The following EIF2AK3 variants were observed in gnomAD, a reference collection of about 807,000 sequenced individuals.
EIF2AK3 encodes eukaryotic translation initiation factor 2-alpha kinase 3.
Under a neutral mutation model 113.5 loss-of-function variants are expected in EIF2AK3, and 50 were observed. That is an observed-to-expected ratio of 0.44 (90% confidence interval 0.35 to 0.56). The LOEUF is 0.56. EIF2AK3 is among the 20% of genes least tolerant of loss of function. The pLI, the probability that EIF2AK3 is intolerant of heterozygous loss-of-function variation, is 0.00. For synonymous variants in EIF2AK3, 448 were observed against 495.4 expected (o/e 0.90, Z 1.27); for missense variants, 1,185 against 1,378.0 (o/e 0.86, Z 2.22).
At chr2:88,594,830 TA>T (rs58582485) in intron 3 of EIF2AK3, among the ~76,000 whole-genome samples, 54,099 of 114,940 alleles carry the variant, frequency 0.47, 11,754 homozygotes, top group African/African-American at 0.62. Flanking sequence ...TGTCAAAATG[TA>T]AAAAAAAAAA....
intron 11 of EIF2AK3, among the ~76,000 whole-genome samples, chr2:88,579,299 A>G (rs981535213): frequency 6.6e-6 from 1 of 152,254 alleles, no homozygotes; most frequent in Non-Finnish European, 1.5e-5. Flanking sequence ...TGAGTTAATA[A>G]TAAAAAACAA....
In EIF2AK3 at chr2:88,585,991, GA is replaced by G; in HGVS notation, c.1499del (p.Phe500SerfsTer26). The G allele has an allele frequency of 6.2e-7, 1 of 1,614,130 alleles. No individual in the cohort carries two copies. Among genetic ancestry groups the G allele is most frequent in the Non-Finnish European group, 8.5e-7 (1 of 1,180,002 alleles). ...NKRSTQITVR[F>X]LDNPHYNKNI... ...TCTTGTTGTAATGTGGGTTGTCGAG[GA>G]ATCTGACTGTAATCTGTGTGCTTCG... On this transcript the variant is annotated frameshift_variant, in exon 9 of 17. Transcript: ENST00000303236. LOFTEE classifies it high-confidence loss of function.
At chr2:88,577,363 C>T (rs549705712) in intron 11 of EIF2AK3, among the ~76,000 whole-genome samples, 1 of 152,086 alleles carries the variant, frequency 6.6e-6, no homozygotes, top group Admixed American at 6.5e-5. Flanking sequence ...TTGTTTTTCT[C>T]TTCTGGAAAT....
intron 3 of EIF2AK3, 77 bp downstream of exon 3, chr2:88,595,390 TAA>T (rs1674993238): frequency 1.5e-5 from 20 of 1,343,766 alleles, no homozygotes; most frequent in Non-Finnish European, 2.0e-5. Flanking sequence ...CAACTAATAA[TAA>T]GTGTAGTTTA....
At chr2:88,583,669 T>C (rs182049864) in intron 9 of EIF2AK3, 127 bp from the exon 10 acceptor site, 3 of 737,464 alleles carry the variant, frequency 4.1e-6, no homozygotes, top group Non-Finnish European at 6.9e-6. Flanking sequence ...AAAAGCATTA[T>C]GAAAACAAAG....
At chr2:88,610,363 T>C (rs1162686310) in intron 2 of EIF2AK3, among the ~76,000 whole-genome samples, 1 of 152,218 alleles carries the variant, frequency 6.6e-6, no homozygotes, top group Non-Finnish European at 1.5e-5. Context: ...TGGATGTTAG[T>C]GTTCAGAGTA....
Position 88,558,999 on chromosome 2 carries a change from C to G in EIF2AK3, c.3088-20G>C, listed in dbSNP as rs1673866549. 1.3e-6 allele frequency: 2 copies of G among 1,506,152 alleles called. No homozygotes were observed. The highest frequency in any genetic ancestry group is 1.8e-6 in the Non-Finnish European group (2 of 1,087,058). The allele number at this position is 1,506,152 out of a possible 1,614,324, so 93.3% of individuals were successfully genotyped here. A position where few individuals can be genotyped will look rare whatever the true frequency, so the allele number is the denominator to read the frequency against. Reference sequence around the variant, plus strand: ...TAAGGTCTAAAAAGAAAAAAAGTATCACTTATTAAGTTTATTTTGACATAC... The same window carrying G: ...TAAGGTCTAAAAAGAAAAAAAGTATGACTTATTAAGTTTATTTTGACATAC... On this transcript the variant is annotated intron_variant, in intron 15 of 16. Transcript: ENST00000303236.
In EIF2AK3 at chr2:88,619,955, C is replaced by CAA. The variant is rs35076573; in HGVS notation, c.309-6104_309-6103dup. 2.1e-3 allele frequency among the ~76,000 whole-genome samples: 250 copies of CAA among 119,640 alleles called. 2 individuals are homozygous for CAA. Among genetic ancestry groups the CAA allele is most frequent in the South Asian group, 0.013 (47 of 3,568 alleles). The allele number at this position is 119,640 out of a possible 152,430, so 78.5% of individuals were successfully genotyped here. A position where few individuals can be genotyped will look rare whatever the true frequency, so the allele number is the denominator to read the frequency against. On this transcript the variant is annotated intron_variant, in intron 1 of 16. Coordinates refer to ENST00000303236, the MANE Select transcript of EIF2AK3 (RefSeq NM_004836.7). Reference sequence around the variant, plus strand: ...TGCACGACAGAGCGAGACTCCGTCTCAAAAAAAAAAAAAAAAAAAATCTTT... The same window carrying CAA: ...TGCACGACAGAGCGAGACTCCGTCTCAAAAAAAAAAAAAAAAAAAAAATCTTT...
chr2:88,590,153 T>G (rs1054266027), intron 6 of EIF2AK3, among the ~76,000 whole-genome samples: 1 of 152,142 alleles, frequency 6.6e-6, no homozygotes, highest in African/African-American at 2.4e-5. Context: ...GAGAATCGCT[T>G]GAACCCAGGA....
rs1674872422 is a variant in EIF2AK3 at position 88,590,889 on chromosome 2, T to C, written c.931A>G (p.Lys311Glu). The part of the protein sequence containing the change: ...QEAAIMDIVI[K>E]VSVADWKVMA... ...ACTTTCCAGTCAGCAACCGAAACCT[T>C]TATCACTATGTCCATTATGGCAGCT... The change falls in exon 5 of 17, where the codon AAG becomes GAG. Residue 311 changes from lysine (K) to glutamate (E), a missense_variant. Physicochemically the swap from Lys to Glu is moderately conservative, Grantham distance 56. Around this residue, in one of 3 missense-constraint regions of EIF2AK3, gnomAD observed 877 missense variants for 1,024.2 expected, o/e 0.86. Coordinates refer to ENST00000303236, the MANE Select transcript of EIF2AK3 (RefSeq NM_004836.7). The C allele has an allele frequency of 6.2e-7, 1 of 1,614,002 alleles. No homozygotes were observed. The highest frequency in any genetic ancestry group is 1.3e-5 in the African/African-American group (1 of 74,922).
rs1675873706 is a variant in EIF2AK3 at position 88,626,841 on chromosome 2, GC to G, written c.308+125del. 1.8e-5 allele frequency: 23 copies of G among 1,299,950 alleles called. No homozygotes were observed. The South Asian group carries it at 2.9e-4, about 17-fold the overall frequency. The allele number at this position is 1,299,950 out of a possible 1,614,324, so 80.5% of individuals were successfully genotyped here. A position where few individuals can be genotyped will look rare whatever the true frequency, so the allele number is the denominator to read the frequency against. On this transcript the variant is annotated intron_variant, in intron 1 of 16. Transcript: ENST00000303236. ...GTGGCCCCGCGCTCGTCCCCAGGTCGCCAGCTGCCCTCCGCAGCCGAGGGAA... is the reference window on the plus strand; with the variant it reads ...GTGGCCCCGCGCTCGTCCCCAGGTCGCAGCTGCCCTCCGCAGCCGAGGGAA...
Position 88,579,636 on chromosome 2 carries a change from G to A in EIF2AK3, c.1768C>T (p.Leu590=), listed in dbSNP as rs780109289. 6.2e-7 allele frequency: 1 copy of A among 1,613,168 alleles called. No homozygotes were observed. The highest frequency in any genetic ancestry group is 8.5e-7 in the Non-Finnish European group (1 of 1,179,476). ...CATTGAATTGGCTCAAAATCAGTTA[G>A]ATATCTTTAAAAAGAGATAAAATTT... ...IKNSGYISRY[L]TDFEPIQCLG... is the part of the protein sequence containing the mutation. The change falls in exon 11 of 17, where the codon CTA becomes TTA. Residue 590 remains leucine, a synonymous_variant. Coordinates refer to ENST00000303236, the MANE Select transcript of EIF2AK3 (RefSeq NM_004836.7).
chr2:88,605,755 C>G (rs748891022), intron 2 of EIF2AK3, among the ~76,000 whole-genome samples: 2 of 151,428 alleles, frequency 1.3e-5, no homozygotes, highest in Non-Finnish European at 2.9e-5. Context: ...TCAGAATTGA[C>G]TATTTGTGAC....
At chr2:88,577,462 T>A (rs1427381394) in intron 11 of EIF2AK3, among the ~76,000 whole-genome samples, 1 of 140,224 alleles carries the variant, frequency 7.1e-6, no homozygotes, top group Non-Finnish European at 1.6e-5. Context: ...ACAAGCTATC[T>A]TTTTTTTTTT....
At chr2:88,597,029 C>T (rs932395368) in intron 2 of EIF2AK3, among the ~76,000 whole-genome samples, 2 of 152,118 alleles carry the variant, frequency 1.3e-5, no homozygotes, top group Non-Finnish European at 2.9e-5. Context: ...AACAGGAATA[C>T]GAGAGAAGTA....
chr2:88,593,399 A>G lies in EIF2AK3; in HGVS notation c.640T>C (p.Tyr214His), dbSNP rs780745612. 1.9e-6 allele frequency: 3 copies of G among 1,614,022 alleles called. No individual in the cohort carries two copies. The highest frequency in any genetic ancestry group is 2.5e-6 in the Non-Finnish European group (3 of 1,179,940). The change falls in exon 4 of 17, where the codon TAT (tyrosine) becomes CAT (histidine). Residue 214 changes from tyrosine to histidine, a missense_variant. By Grantham distance (83) the Tyr-to-His change is moderately conservative. This residue lies in a region of EIF2AK3 where 119 missense variants were observed against 178.7 expected (regional missense o/e 0.67). Transcript: ENST00000303236. ...GLSAYSGKVR[Y>H]ICSALGCRQW... is the part of the protein sequence containing the mutation. ...CGACAACCCAGAGCTGAACAGATAT[A>G]CCTCACCTGAAAAGACAAAATTAGA...
chr2:88,561,155 A>G (rs1673944478), intron 15 of EIF2AK3, among the ~76,000 whole-genome samples: 1 of 151,356 alleles, frequency 6.6e-6, no homozygotes, highest in Non-Finnish European at 1.5e-5. Context: ...GGGTCTTACT[A>G]TGTTGCCCAG....
chr2:88,615,297 ACAC>A (rs1390127307), intron 1 of EIF2AK3, among the ~76,000 whole-genome samples: 2 of 152,212 alleles, frequency 1.3e-5, no homozygotes, highest in African/African-American at 4.8e-5. Flanking sequence ...TGTCACTCCC[ACAC>A]CATCAGTCAT....
In EIF2AK3 at chr2:88,627,354, G is replaced by C; in HGVS notation, c.-80C>G. ...CCCGCCGCTTGGAGCTCCCAAGAAG[G>C]CAAGGACGTGCTAGGGACCCTACTG... On this transcript the variant is annotated 5_prime_UTR_variant, in exon 1 of 17. Coordinates refer to ENST00000303236, the MANE Select transcript of EIF2AK3 (RefSeq NM_004836.7). 7.2e-7 allele frequency: 1 copy of C among 1,381,774 alleles called. No individual in the cohort carries two copies. The highest frequency in any genetic ancestry group is 9.4e-7 in the Non-Finnish European group (1 of 1,063,906). 85.6% of individuals were successfully genotyped at this position (1,381,774 alleles called of 1,614,324 possible).
Sources: allele counts gnomAD v4.1 joint callset (sites outside exome capture counted in the v4.1 genomes callset), GRCh38; gene constraint gnomAD v4.1.1; regional missense constraint gnomAD v4.1.1; transcripts MANE v1.5; gene names NCBI Gene and HGNC (gene_info 2026-07-23, HGNC 2026-07-21).